Variants in PTPN20 observed in about 807,000 individuals in gnomAD.
PTPN20 encodes the protein protein tyrosine phosphatase non-receptor type 20, also known as tyrosine-protein phosphatase non-receptor type 20.
In PTPN20, 9 loss-of-function variants were observed where a neutral mutation model predicts 35.0. That is an observed-to-expected ratio of 0.26 (90% CI 0.15 to 0.45). PTPN20 has a LOEUF of 0.45. PTPN20 is among the 20% of genes least tolerant of loss of function. The pLI is 1.00. For missense variants in PTPN20, 111 were observed against 312.5 expected, an observed-to-expected ratio of 0.36 and a Z score of 4.86; for synonymous variants, 32 against 100.2, an observed-to-expected ratio of 0.32 and a Z score of 4.06.
chr10:46,911,947 C>T, intron 1 of PTPN20: 1 of 87,262 alleles, frequency 1.1e-5, no homozygotes, highest in Non-Finnish European at 1.8e-5. Context: ...ATTCATCAAT[C>T]CATTCAGCAG....
At chr10:46,998,681 C>T (rs940263350) in intron 9 of PTPN20, among the ~76,000 whole-genome samples, 2 of 152,142 alleles carry the variant, frequency 1.3e-5, no homozygotes, top group Non-Finnish European at 2.9e-5. Flanking sequence ...CTGGTGAAAT[C>T]TGAATTAAGC....
rs2060075742 is a variant in PTPN20 at position 47,001,942 on chromosome 10, C to G, written c.*1201C>G. On this transcript the variant is annotated 3_prime_UTR_variant, in exon 11 of 11. Transcript: ENST00000374339. ...AAAACAATAGATATGAGTGTTTGTA[C>G]AGTTTAACTCAATGGAGATCAGAAT... 6.6e-6 allele frequency: 1 copy of G among 151,976 alleles called. No individual in the cohort carries two copies. Among genetic ancestry groups the G allele is most frequent in the East Asian group, 1.9e-4 (1 of 5,204 alleles). 9.4% of individuals were successfully genotyped at this position (151,976 alleles called of 1,614,324 possible).
intron 5 of PTPN20, among the ~76,000 whole-genome samples, chr10:46,947,361 T>A (rs1430813345): frequency 1.3e-5 from 2 of 150,898 alleles, no homozygotes; most frequent in African/African-American, 2.5e-5. Flanking sequence ...TCTTCTCTAA[T>A]GACTTTATTT....
At chr10:46,923,267 C>A (rs1391345002) in intron 1 of PTPN20, among the ~76,000 whole-genome samples, 1 of 144,574 alleles carries the variant, frequency 6.9e-6, no homozygotes, top group African/African-American at 2.8e-5. Context: ...TGATTTAAGG[C>A]TTCTAATTTT....
chr10:46,988,677 G>A (rs2137042834), intron 9 of PTPN20, among the ~76,000 whole-genome samples: 1 of 151,564 alleles, frequency 6.6e-6, no homozygotes, highest in East Asian at 2.0e-4. Flanking sequence ...CCATATTGCT[G>A]TGAATGACAG....
intron 1 of PTPN20, among the ~76,000 whole-genome samples, chr10:46,932,080 G>A (rs1416547070): frequency 1.3e-5 from 2 of 148,578 alleles, no homozygotes; most frequent in Admixed American, 1.3e-4. Flanking sequence ...GTGTGTGTGT[G>A]TGTGTGTGTG....
intron 2 of PTPN20, among the ~76,000 whole-genome samples, chr10:46,933,380 G>GTC (rs1400406307): frequency 2.0e-5 from 3 of 151,930 alleles, no homozygotes; most frequent in Non-Finnish European, 2.9e-5. Flanking sequence ...AGTATTGTAT[G>GTC]TATTTTGCTA....
At chr10:46,935,755 C>A (rs2041388918) in intron 2 of PTPN20, among the ~76,000 whole-genome samples, 1 of 152,056 alleles carries the variant, frequency 6.6e-6, no homozygotes, top group South Asian at 2.1e-4. Context: ...GTGAAAAGTT[C>A]TGTGATGAAC....
At chr10:46,925,702 A>G (rs1455489072) in intron 1 of PTPN20, among the ~76,000 whole-genome samples, 1 of 151,090 alleles carries the variant, frequency 6.6e-6, no homozygotes, top group East Asian at 1.9e-4. Context: ...AGGGCTTCTA[A>G]AAGGAGCCTG....
At chr10:46,928,068 CT>C (rs1378832657) in intron 1 of PTPN20, among the ~76,000 whole-genome samples, 3 of 148,822 alleles carry the variant, frequency 2.0e-5, no homozygotes, top group Admixed American at 1.3e-4. Context: ...TCATTCATTA[CT>C]TTTACTTGAA....
chr10:46,932,320 G>C (rs1353534671), intron 1 of PTPN20, 57 bp from the exon 2 acceptor site: 2 of 1,561,482 alleles, frequency 1.3e-6, no homozygotes, highest in South Asian at 2.5e-5. Flanking sequence ...ATATGTCAAA[G>C]CTGTGATAGC....
intron 3 of PTPN20, among the ~76,000 whole-genome samples, chr10:46,941,108 C>T (rs2043346755): frequency 6.6e-6 from 1 of 150,690 alleles, no homozygotes; most frequent in African/African-American, 2.5e-5. Flanking sequence ...GACAAAAACT[C>T]TTACTTCAAC....
chr10:46,932,623 T>C (rs1258869048), intron 2 of PTPN20, 90 bp downstream of exon 2: 105 of 1,562,900 alleles, frequency 6.7e-5, no homozygotes, highest in Non-Finnish European at 9.0e-5. Context: ...GGACCACCTG[T>C]GGATTATTAT....
intron 2 of PTPN20, among the ~76,000 whole-genome samples, chr10:46,938,923 G>C (rs1470375085): frequency 1.3e-4 from 19 of 148,356 alleles, no homozygotes; most frequent in African/African-American, 4.8e-4. Context: ...GTCAATTGTA[G>C]GTTGTTTTAC....
chr10:46,983,086 T>TC (rs782224545), intron 7 of PTPN20, among the ~76,000 whole-genome samples: 3 of 136,986 alleles, frequency 2.2e-5, no homozygotes, highest in African/African-American at 9.2e-5. Context: ...TTTTTTTTTT[T>TC]GTTTGAGATG....
chr10:46,976,628 G>A (rs1340934070), intron 7 of PTPN20, among the ~76,000 whole-genome samples: 2 of 134,294 alleles, frequency 1.5e-5, no homozygotes, highest in East Asian at 4.1e-4. Context: ...ATTAAATAAT[G>A]TTACCAGGTA....
intron 1 of PTPN20, among the ~76,000 whole-genome samples, chr10:46,926,775 TGGAGTCACATA>T (rs1365889703): frequency 6.6e-6 from 1 of 151,710 alleles, no homozygotes; most frequent in Non-Finnish European, 1.5e-5. Flanking sequence ...ATTCTCCTTG[TGGAGTCACATA>T]GGATGCACTT....
chr10:46,937,348 A>C (rs2041980948), intron 2 of PTPN20, among the ~76,000 whole-genome samples: 1 of 150,730 alleles, frequency 6.6e-6, no homozygotes, highest in East Asian at 2.0e-4. Flanking sequence ...CATGAATGTG[A>C]TTTTTCTATA....
intron 1 of PTPN20, among the ~76,000 whole-genome samples, chr10:46,923,636 A>C (rs2036146354): frequency 6.6e-6 from 1 of 151,446 alleles, no homozygotes; most frequent in Non-Finnish European, 1.5e-5. Context: ...TCTGTCTTCC[A>C]ACTTTGTTCT....
Sources: gnomAD v4.1 joint callset for allele counts (sites outside exome capture counted in the v4.1 genomes callset) on GRCh38, gnomAD v4.1.1 for gene constraint, MANE v1.5 for transcripts, NCBI Gene and HGNC (gene_info 2026-07-23, HGNC 2026-07-21) for gene names.